Variants in CTNNA2 observed in about 807,000 individuals in gnomAD.
The protein encoded by CTNNA2 is catenin alpha-2.
Under a neutral mutation model 101.0 loss-of-function variants are expected in CTNNA2, and 42 were observed. The observed-to-expected ratio is 0.42, with a 90% CI of 0.32 to 0.54. The LOEUF (loss-of-function observed/expected upper bound fraction) is 0.54, where lower values mean the gene tolerates loss of function less well. Ranked by LOEUF, CTNNA2 falls within the 20% of genes least tolerant of loss-of-function variation. The probability of loss-of-function intolerance (pLI) is 0.14; values close to 1 mark genes in which losing one functional copy is unlikely to be tolerated. For missense variants in CTNNA2, 871 were observed against 1,223.1 expected (o/e 0.71, Z 4.29); for synonymous variants, 450 against 456.4 (o/e 0.99, Z 0.18).
chr2:79,929,864 T>C lies in CTNNA2; in HGVS notation c.1056+20067T>C, dbSNP rs532125772. Among the ~76,000 whole-genome samples the C allele has an allele frequency of 5.8e-4, 89 of 152,294 alleles. No individual in the cohort carries two copies. In the Middle Eastern group the frequency reaches 0.017, roughly 29 times the overall value. On this transcript the variant is annotated intron_variant, in intron 7 of 18. Coordinates refer to ENST00000402739, the MANE Select transcript of CTNNA2 (RefSeq NM_001282597.3). Reference sequence around the variant, plus strand: ...TTTTGCAGTTTACCTAGTGTCTGGCTGAGTAGGTCATTTACACAGAAAGAA... The same window carrying C: ...TTTTGCAGTTTACCTAGTGTCTGGCCGAGTAGGTCATTTACACAGAAAGAA...
At chr2:79,894,080 C>T (rs1437263196) in intron 6 of CTNNA2, among the ~76,000 whole-genome samples, 16 of 145,550 alleles carry the variant, frequency 1.1e-4, no homozygotes, top group African/African-American at 3.0e-4. Flanking sequence ...TCCTCCTCCT[C>T]CTTCTTCTTC....
At chr2:79,413,437 A>G (rs1257568572) in intron 4 of CTNNA2, among the ~76,000 whole-genome samples, 1 of 151,568 alleles carries the variant, frequency 6.6e-6, no homozygotes, top group Non-Finnish European at 1.5e-5. Context: ...CTGTATATAT[A>G]CTCCATTTTC....
At chr2:79,962,158 A>G (rs1056436652) in intron 7 of CTNNA2, among the ~76,000 whole-genome samples, 4 of 152,240 alleles carry the variant, frequency 2.6e-5, no homozygotes, top group African/African-American at 4.8e-5. Flanking sequence ...AGGCTGCTAT[A>G]ACAAAATACC....
chr2:79,375,026 G>A (rs968173403), intron 4 of CTNNA2, among the ~76,000 whole-genome samples: 1 of 152,128 alleles, frequency 6.6e-6, no homozygotes, highest in Non-Finnish European at 1.5e-5. Context: ...GCATAATAGA[G>A]TTGCTCATTT....
At chr2:79,706,332 C>A (rs988172627) in intron 2 of CTNNA2, among the ~76,000 whole-genome samples, 1 of 142,284 alleles carries the variant, frequency 7.0e-6, no homozygotes, top group African/African-American at 2.6e-5. Flanking sequence ...CACTGCACTC[C>A]GCCCTGGGCG....
At chr2:80,500,111 T>C (rs891615167) in intron 9 of CTNNA2, among the ~76,000 whole-genome samples, 58 of 152,242 alleles carry the variant, frequency 3.8e-4, no homozygotes, top group Admixed American at 1.2e-3. Context: ...AAGCGTGTGC[T>C]TACAAATCAT....
chr2:79,956,772 A>G (rs1440955139), intron 7 of CTNNA2, among the ~76,000 whole-genome samples: 1 of 150,434 alleles, frequency 6.6e-6, no homozygotes, highest in African/African-American at 2.5e-5. Context: ...AGACAGAAAG[A>G]GTAATACAAT....
At chr2:80,594,929 T>A (rs1696821556) in intron 15 of CTNNA2, among the ~76,000 whole-genome samples, 2 of 152,190 alleles carry the variant, frequency 1.3e-5, no homozygotes, top group African/African-American at 4.8e-5. Context: ...AGTTTTAAAA[T>A]CAAAAATTGT....
At chr2:79,707,203 T>C (rs1438905476) in intron 2 of CTNNA2, among the ~76,000 whole-genome samples, 1 of 152,198 alleles carries the variant, frequency 6.6e-6, no homozygotes, top group East Asian at 1.9e-4. Context: ...AAGAAGATGG[T>C]AGGATTTCAG....
intron 1 of CTNNA2, among the ~76,000 whole-genome samples, chr2:79,581,788 C>G (rs1173587812): frequency 6.6e-6 from 1 of 152,114 alleles, no homozygotes; most frequent in Non-Finnish European, 1.5e-5. Context: ...ATTCTTCTGG[C>G]AAAAAGAAAC....
chr2:79,230,691 C>T (rs1674479796), intron 2 of CTNNA2, among the ~76,000 whole-genome samples: 1 of 152,128 alleles, frequency 6.6e-6, no homozygotes, highest in Non-Finnish European at 1.5e-5. Flanking sequence ...ACACCTTGTA[C>T]CATGTGCCTG....
intron 7 of CTNNA2, among the ~76,000 whole-genome samples, chr2:80,173,439 T>C (rs1350609896): frequency 6.6e-6 from 1 of 152,140 alleles, no homozygotes; most frequent in Non-Finnish European, 1.5e-5. Flanking sequence ...TGCAATTCAT[T>C]TGAACAGAGA....
rs972892805 is a variant in CTNNA2, at chr2:79,781,229, G to C, written c.298+36647G>C. Among the ~76,000 whole-genome samples, 4 of 152,168 alleles carry C rather than the reference G, an allele frequency of 2.6e-5. No individual in the cohort carries two copies. The South Asian group carries it at 8.3e-4, about 31-fold the overall frequency. ...AATTCCTGACGTTGCCATGGCATTT[G>C]TAAACTGTCATGATGTTGGTGGGAG... On this transcript the variant is annotated intron_variant, in intron 3 of 18. Transcript: ENST00000402739.
intron 2 of CTNNA2, among the ~76,000 whole-genome samples, chr2:79,311,194 G>C (rs1676359649): frequency 6.6e-6 from 1 of 152,068 alleles, no homozygotes. Flanking sequence ...CGGATCACGA[G>C]GTCAGGAGAT....
intron 7 of CTNNA2, among the ~76,000 whole-genome samples, chr2:79,940,530 A>G (rs1427676302): frequency 2.0e-5 from 3 of 152,196 alleles, no homozygotes; most frequent in Non-Finnish European, 1.5e-5. Flanking sequence ...TGAAAAAAGC[A>G]AGCCTTCTAG....
chr2:79,619,833 T>C (rs776570735), intron 1 of CTNNA2, among the ~76,000 whole-genome samples: 14 of 152,138 alleles, frequency 9.2e-5, no homozygotes, highest in Non-Finnish European at 1.9e-4. Context: ...ATTCACATTT[T>C]CCCCACTGCA....
At chr2:80,122,758 T>C (rs1323539239) in intron 7 of CTNNA2, among the ~76,000 whole-genome samples, 4 of 152,182 alleles carry the variant, frequency 2.6e-5, no homozygotes, top group African/African-American at 7.2e-5. Context: ...TGTGCGCATG[T>C]GCATATGTGT....
At chr2:80,575,939 T>G (rs1035123390) in intron 13 of CTNNA2, among the ~76,000 whole-genome samples, 5 of 152,196 alleles carry the variant, frequency 3.3e-5, no homozygotes, top group Admixed American at 1.3e-4. Context: ...AAATTGTTAT[T>G]TTTAAAATCC....
chr2:80,584,324 C>A (rs1695789233), intron 14 of CTNNA2, among the ~76,000 whole-genome samples: 1 of 151,572 alleles, frequency 6.6e-6, no homozygotes, highest in South Asian at 2.1e-4. Context: ...TTTTAGTAAC[C>A]CCATCCAACA....
Sources: gnomAD v4.1 joint callset for allele counts (sites outside exome capture counted in the v4.1 genomes callset) on GRCh38, gnomAD v4.1.1 for gene constraint, MANE v1.5 for transcripts, NCBI Gene and HGNC (gene_info 2026-07-23, HGNC 2026-07-21) for gene names.